Variants in KMT2C observed in about 807,000 individuals in gnomAD.
The protein encoded by KMT2C is histone-lysine N-methyltransferase 2C.
A neutral mutation model predicts 507.9 loss-of-function variants in KMT2C; 88 were observed. That is an observed-to-expected ratio of 0.17 (90% confidence interval 0.15 to 0.21). The LOEUF (loss-of-function observed/expected upper bound fraction) is 0.21, where lower values mean the gene tolerates loss of function less well. Among genes scored for constraint, KMT2C ranks in the 10% least tolerant of loss-of-function variants. The pLI is 1.00. For missense variants in KMT2C, 4,954 were observed against 5,957.8 expected (o/e 0.83, Z 5.55); for synonymous variants, 2,049 against 2,080.8 (o/e 0.98, Z 0.42).
At chr7:152,375,402 T>C (rs796828732) in intron 1 of KMT2C, among the ~76,000 whole-genome samples, 5 of 152,246 alleles carry the variant, frequency 3.3e-5, no homozygotes, top group African/African-American at 1.2e-4. Flanking sequence ...CTTTTTTTTT[T>C]TGAGACGGAG....
intron 42 of KMT2C, among the ~76,000 whole-genome samples, chr7:152,164,929 A>AT (rs1365818539): frequency 2.6e-5 from 4 of 152,238 alleles, no homozygotes; most frequent in African/African-American, 9.6e-5. Flanking sequence ...AAGGATGTGT[A>AT]TATCTCTCAA....
Position 152,290,218 on chromosome 7 carries a change from ATATGTG to A in KMT2C, c.850-16357_850-16352del, listed in dbSNP as rs1385270308. ...AGGTAGTCTAATAAATTTTATATAT[ATATGTG>A]TGTGTGTGTGTGTGTGTGTGTGTGT... is the stretch of plus-strand genomic sequence containing the variant. On this transcript the variant is annotated intron_variant, in intron 6 of 58. Coordinates refer to ENST00000262189, the MANE Select transcript of KMT2C (RefSeq NM_170606.3). Among the ~76,000 whole-genome samples, 142 of 108,734 alleles carry A rather than the reference ATATGTG, an allele frequency of 1.3e-3. 2 individuals carry two copies. The highest frequency in any genetic ancestry group is 4.3e-3 in the African/African-American group (100 of 23,488). 71.3% of individuals were successfully genotyped at this position (108,734 alleles called of 152,430 possible).
chr7:152,169,301 G>C, intron 40 of KMT2C, 52 bp from the exon 41 acceptor site: 4 of 987,020 alleles, frequency 4.1e-6, no homozygotes, highest in Non-Finnish European at 6.3e-6. Flanking sequence ...CAGTTAAAGG[G>C]GGGAAAAAAC....
At chr7:152,430,092 C>T (rs932105261) in intron 1 of KMT2C, among the ~76,000 whole-genome samples, 15 of 150,936 alleles carry the variant, frequency 9.9e-5, no homozygotes, top group Admixed American at 2.0e-4. Flanking sequence ...TCAGGCGAAT[C>T]GCTTGAATCC....
intron 6 of KMT2C, among the ~76,000 whole-genome samples, chr7:152,276,753 A>G (rs1389028798): frequency 6.6e-6 from 1 of 151,500 alleles, no homozygotes; most frequent in Non-Finnish European, 1.5e-5. Context: ...GAACCAGTCT[A>G]TAAAATTCAA....
intron 3 of KMT2C, among the ~76,000 whole-genome samples, chr7:152,322,863 C>A (rs560597842): frequency 5.3e-5 from 8 of 151,944 alleles, no homozygotes; most frequent in African/African-American, 1.9e-4. Context: ...AGGACCTGAA[C>A]AGACATTTCT....
intron 49 of KMT2C, among the ~76,000 whole-genome samples, chr7:152,152,333 A>G (rs1051891509): frequency 5.3e-5 from 8 of 152,214 alleles, no homozygotes; most frequent in African/African-American, 1.7e-4. Context: ...GGAGAACAGG[A>G]AACAGAACCC....
chr7:152,403,713 C>CAT (rs375092787), intron 1 of KMT2C, among the ~76,000 whole-genome samples: 5 of 3,162 alleles, frequency 1.6e-3, no homozygotes, highest in East Asian at 0.017. Context: ...AACTGGGACA[C>CAT]ATACACACAC....
rs1364738187 is a variant in KMT2C, at chr7:152,246,936, T to G, written c.2532+966A>C. Among the ~76,000 whole-genome samples, 5 of 152,264 alleles carry G rather than the reference T, an allele frequency of 3.3e-5. No individual in the cohort carries two copies. The East Asian group carries it at 9.6e-4, about 29-fold the overall frequency. ...GGGTTTGATATAGAGGAGACTAATT[T>G]TCACATTAAAAAATGATTTTCTTAA... On this transcript the variant is annotated intron_variant, in intron 14 of 58. Coordinates refer to ENST00000262189, the MANE Select transcript of KMT2C (RefSeq NM_170606.3).
At chr7:152,189,980 G>A (rs943372148) in intron 31 of KMT2C, among the ~76,000 whole-genome samples, 1 of 152,196 alleles carries the variant, frequency 6.6e-6, no homozygotes, top group African/African-American at 2.4e-5. Context: ...ATTACCGCCT[G>A]AGCTCCACCT....
At chr7:152,283,222 T>C (rs1346187414) in intron 6 of KMT2C, among the ~76,000 whole-genome samples, 2 of 152,302 alleles carry the variant, frequency 1.3e-5, no homozygotes, top group Admixed American at 1.3e-4. Context: ...AAATTTATTG[T>C]TTCAAATTAG....
chr7:152,218,313 G>A (rs2094642848), intron 23 of KMT2C, among the ~76,000 whole-genome samples: 1 of 151,950 alleles, frequency 6.6e-6, no homozygotes, highest in Non-Finnish European at 1.5e-5. Flanking sequence ...ACAGGTGCCT[G>A]CCACCACACC....
intron 6 of KMT2C, among the ~76,000 whole-genome samples, chr7:152,299,147 G>A (rs1383244440): frequency 4.0e-5 from 6 of 151,494 alleles, no homozygotes; most frequent in Admixed American, 1.3e-4. Flanking sequence ...GTGAAACCCC[G>A]TCTCTACTAA....
intron 2 of KMT2C, among the ~76,000 whole-genome samples, chr7:152,345,301 T>C (rs754845049): frequency 2.0e-5 from 3 of 151,920 alleles, no homozygotes; most frequent in Non-Finnish European, 2.9e-5. Flanking sequence ...TCCCAGCTAC[T>C]TGGGAGGCTG....
intron 1 of KMT2C, among the ~76,000 whole-genome samples, chr7:152,419,635 A>G (rs2097766836): frequency 6.6e-6 from 1 of 152,184 alleles, no homozygotes; most frequent in East Asian, 1.9e-4. Flanking sequence ...TATTGTTTAC[A>G]GTTAATATTC....
intron 7 of KMT2C, among the ~76,000 whole-genome samples, chr7:152,266,975 T>A (rs2095868703): frequency 5.3e-5 from 8 of 152,126 alleles, no homozygotes; most frequent in Admixed American, 5.2e-4. Context: ...CTTTGTAGCA[T>A]TTGCATTGCT....
chr7:152,303,941 T>C (rs980579867), intron 6 of KMT2C, among the ~76,000 whole-genome samples: 5 of 152,160 alleles, frequency 3.3e-5, no homozygotes, highest in East Asian at 1.9e-4. Context: ...TAAACTGAGA[T>C]TGCGCCACTG....
chr7:152,150,290 T>C lies in KMT2C; in HGVS notation c.12774+610A>G, dbSNP rs554298109. 2.0e-4 allele frequency among the ~76,000 whole-genome samples: 30 copies of C among 152,322 alleles called. No homozygotes were observed. The East Asian group carries it at 4.8e-3, about 25-fold the overall frequency. ...TTTTATCTTTAAACAGGTTTTCCTA[T>C]TGGGGTAACATCAATAAAAATGATT... is the stretch of plus-strand genomic sequence containing the variant. On this transcript the variant is annotated intron_variant, in intron 51 of 58. Transcript: ENST00000262189.
In KMT2C at chr7:152,309,507, CTTTTTTTT is replaced by C. The variant is rs60166582; in HGVS notation, c.849+451_849+458del. On this transcript the variant is annotated intron_variant, in intron 6 of 58. Coordinates refer to ENST00000262189, the MANE Select transcript of KMT2C (RefSeq NM_170606.3). ...CCCGGCTAATTTTTGCATAAAATAA[CTTTTTTTT>C]TTTTTTTTTTTTTTTTTTTAATTAA... Among the ~76,000 whole-genome samples the C allele has an allele frequency of 2.4e-4, 21 of 87,970 alleles. No homozygotes were observed. In the South Asian group the frequency reaches 3.3e-3, roughly 14 times the overall value. The allele number at this position is 87,970 out of a possible 152,430, so 57.7% of individuals were successfully genotyped here.
Sources: allele counts gnomAD v4.1 joint callset (sites outside exome capture counted in the v4.1 genomes callset), GRCh38; gene constraint gnomAD v4.1.1; transcripts MANE v1.5; gene names NCBI Gene and HGNC (gene_info 2026-07-23, HGNC 2026-07-21).